DYRK1A: variants seen among roughly 807,000 people sequenced by gnomAD.
The protein encoded by DYRK1A is dual specificity tyrosine phosphorylation regulated kinase 1A.
In DYRK1A, 9 loss-of-function variants were observed where a neutral mutation model predicts 79.7. The ratio of observed to expected loss-of-function variants is 0.11; its 90% CI spans 0.07 to 0.20. The LOEUF is 0.20. Among genes scored for constraint, DYRK1A ranks in the 10% least tolerant of loss-of-function variants. DYRK1A has a pLI of 1.00. For missense variants in DYRK1A, 622 were observed against 956.0 expected, an observed-to-expected ratio of 0.65 and a Z score of 4.61; for synonymous variants, 349 against 329.7, an observed-to-expected ratio of 1.06 and a Z score of -0.63.
At chr21:37,410,703 T>A (rs1181754977) in intron 1 of DYRK1A, 1 of 152,206 alleles carries the variant, frequency 6.6e-6, no homozygotes, top group Non-Finnish European at 1.5e-5. Flanking sequence ...CATTTTGATG[T>A]TAATTCCAGT....
At chr21:37,392,201 TC>T (rs2049883361) in intron 1 of DYRK1A, among the ~76,000 whole-genome samples, 1 of 152,196 alleles carries the variant, frequency 6.6e-6, no homozygotes, top group African/African-American at 2.4e-5. Flanking sequence ...GTTAAAATGC[TC>T]AATCCAAGTG....
chr21:37,385,135 C>T lies in DYRK1A; in HGVS notation c.-77+17507C>T, dbSNP rs2049735009. On this transcript the variant is annotated intron_variant, in intron 1 of 11. Coordinates refer to ENST00000647188, the MANE Select transcript of DYRK1A (RefSeq NM_001347721.2). ...GTTGAAAATCAGTATTTGAGCAGAG[C>T]AGGGACTATGGTAGAAGAACTTTAT... Among the ~76,000 whole-genome samples the T allele has an allele frequency of 1.3e-5, 2 of 152,060 alleles. 1 individual carries two copies. Among genetic ancestry groups the T allele is most frequent in the Non-Finnish European group, 2.9e-5 (2 of 68,022 alleles).
At chr21:37,366,448 C>T (rs1250406163), upstream of DYRK1A, among the ~76,000 whole-genome samples, 3 of 147,788 alleles carry the variant, frequency 2.0e-5, no homozygotes, top group East Asian at 2.0e-4. Context: ...CGGGCGATCG[C>T]GCACAGGCCT....
chr21:37,512,698 A>G lies in DYRK1A; in HGVS notation c.*167A>G, dbSNP rs1476388684. The stretch of plus-strand genomic sequence containing the variant: ...TAACTTGAAAAGATTGCAAAGGGAC[A>G]TTGAAGTGTTTAAAAGAGCCATGTC... On this transcript the variant is annotated 3_prime_UTR_variant, in exon 12 of 12. Coordinates refer to ENST00000647188, the MANE Select transcript of DYRK1A (RefSeq NM_001347721.2). 5.2e-6 allele frequency: 4 copies of G among 766,254 alleles called. No homozygotes were observed. In the East Asian group the frequency reaches 8.0e-5, roughly 15 times the overall value. The allele number at this position is 766,254 out of a possible 1,614,324, so 47.5% of individuals were successfully genotyped here.
intron 1 of DYRK1A, chr21:37,419,058 T>C (rs2148425349): frequency 6.6e-6 from 1 of 152,302 alleles, no homozygotes; most frequent in East Asian, 1.9e-4. Context: ...AGGCAATAAG[T>C]ATAGACTCAA....
At chr21:37,486,203 A>T in intron 5 of DYRK1A, 1 of 224,828 alleles carries the variant, frequency 4.4e-6, no homozygotes, top group Non-Finnish European at 8.6e-6. Context: ...TATTAAGAAA[A>T]TTATCTATTT....
chr21:37,502,833 A>G (rs1045956842), intron 9 of DYRK1A: 2 of 152,110 alleles, frequency 1.3e-5, no homozygotes, highest in African/African-American at 4.8e-5. Context: ...ATCTGAAAAT[A>G]CTTGTTTACC....
At chr21:37,412,551 A>C (rs1041828611) in intron 1 of DYRK1A, among the ~76,000 whole-genome samples, 8 of 152,156 alleles carry the variant, frequency 5.3e-5, no homozygotes, top group Non-Finnish European at 1.0e-4. Context: ...TTATGACATA[A>C]CCATCAGGCC....
chr21:37,458,304 G>GTGTA (rs1555972270), intron 2 of DYRK1A, among the ~76,000 whole-genome samples: 28 of 150,672 alleles, frequency 1.9e-4, no homozygotes, highest in Non-Finnish European at 3.9e-4. Flanking sequence ...GTGTGTGTGT[G>GTGTA]TGTACATATA....
At chr21:37,471,829 A>G (rs185196450) in intron 2 of DYRK1A, among the ~76,000 whole-genome samples, 108 of 152,342 alleles carry the variant, frequency 7.1e-4, no homozygotes, top group African/African-American at 2.3e-3. Context: ...GACAGGCACA[A>G]GTATTTTGAA....
chr21:37,458,535 C>CT (rs1395440565), intron 2 of DYRK1A, among the ~76,000 whole-genome samples: 1 of 151,866 alleles, frequency 6.6e-6, no homozygotes, highest in African/African-American at 2.4e-5. Context: ...GAGAGGAGTA[C>CT]TTTGGGTTTA....
chr21:37,439,238 A>G (rs1316319300), intron 2 of DYRK1A, among the ~76,000 whole-genome samples: 3 of 152,192 alleles, frequency 2.0e-5, no homozygotes, highest in Non-Finnish European at 2.9e-5. Context: ...ATGATGAGAG[A>G]CAATTTTTCT....
chr21:37,440,621 C>CT (rs1269390847), intron 2 of DYRK1A, among the ~76,000 whole-genome samples: 2 of 151,914 alleles, frequency 1.3e-5, no homozygotes, highest in African/African-American at 4.8e-5. Flanking sequence ...TTGCTGTTTG[C>CT]TTTCTTCCTT....
intron 1 of DYRK1A, among the ~76,000 whole-genome samples, chr21:37,411,049 T>TAGA (rs2050233716): frequency 1.8e-5 from 1 of 56,410 alleles, no homozygotes; most frequent in Non-Finnish European, 3.0e-5. Flanking sequence ...ATTCTGTCTT[T>TAGA]AAAAAAAAAA....
At position 37,524,466 on chromosome 21, in the gene DYRK1A, G is replaced by T. The variant is rs1323321149; in HGVS notation, c.*11935G>T. 6.6e-6 allele frequency: 1 copy of T among 152,318 alleles called. No individual in the cohort carries two copies. The highest frequency in any genetic ancestry group is 1.9e-4 in the East Asian group (1 of 5,184). The allele number at this position is 152,318 out of a possible 1,614,324, so 9.4% of individuals were successfully genotyped here. On this transcript the variant is annotated 3_prime_UTR_variant, in exon 12 of 12. Coordinates refer to ENST00000647188, the MANE Select transcript of DYRK1A (RefSeq NM_001347721.2). ...TAAGTTTCAGATGGCTCATTTGTTA[G>T]CCAAGCAAGGAAAGTCACTTATGGT... is the stretch of plus-strand genomic sequence containing the variant.
intron 2 of DYRK1A, among the ~76,000 whole-genome samples, chr21:37,442,688 C>G (rs1601101990): frequency 2.6e-5 from 4 of 152,026 alleles, no homozygotes; most frequent in Admixed American, 2.0e-4. Flanking sequence ...ATATTCCTGT[C>G]CCAGCCTCCC....
Position 37,486,610 on chromosome 21 carries a change from C to T in DYRK1A, c.633C>T (p.Tyr211=), listed in dbSNP as rs1239787849. The change falls in exon 6 of 12, where the codon TAC becomes TAT. Residue 211 remains tyrosine (Y), a synonymous_variant. Coordinates refer to ENST00000647188, the MANE Select transcript of DYRK1A (RefSeq NM_001347721.2). ...MNKHDTEMKY[Y]IVHLKRHFMF... The stretch of plus-strand genomic sequence containing the variant: ...AACATGACACTGAAATGAAATACTA[C>T]ATAGGTAAACAAACAGGCAAACAGC... 3 of 1,567,910 alleles carry T rather than the reference C, an allele frequency of 1.9e-6. No individual in the cohort carries two copies. Among genetic ancestry groups the T allele is most frequent in the South Asian group, 1.2e-5 (1 of 83,358 alleles).
chr21:37,479,610 TTG>T (rs1461334870), intron 4 of DYRK1A, among the ~76,000 whole-genome samples: 1 of 68,452 alleles, frequency 1.5e-5, no homozygotes, highest in African/African-American at 9.8e-5. Context: ...GTTTTTGTTT[TTG>T]TTTTTTGTTT....
At position 37,413,846 on chromosome 21, in the gene DYRK1A, C is replaced by T. The variant is rs139346682; in HGVS notation, c.-76-6453C>T. ...CAAGCATATCAGTTAAAGGACTTGT[C>T]TTCATGGCTCTTGGTGTTTTCTTCA... On this transcript the variant is annotated intron_variant, in intron 1 of 11. Transcript: ENST00000647188. Among the ~76,000 whole-genome samples the T allele has an allele frequency of 2.0e-5, 3 of 152,192 alleles. No individual in the cohort carries two copies. The East Asian group carries it at 5.8e-4, about 29-fold the overall frequency.
Sources: allele counts gnomAD v4.1 joint callset (sites outside exome capture counted in the v4.1 genomes callset), GRCh38; gene constraint gnomAD v4.1.1; transcripts MANE v1.5; gene names NCBI Gene and HGNC (gene_info 2026-07-23, HGNC 2026-07-21).